The following ACAN variants were observed in gnomAD, a reference collection of about 807,000 sequenced individuals.
The protein encoded by ACAN is aggrecan.
In ACAN, 47 loss-of-function variants were observed where a neutral mutation model predicts 169.1. The ratio of observed to expected loss-of-function variants is 0.28; its 90% confidence interval spans 0.22 to 0.35. ACAN has a LOEUF of 0.35. ACAN is among the 10% of genes least tolerant of loss of function. The pLI is 1.00. For synonymous variants in ACAN, 1,115 were observed against 1,112.2 expected (o/e 1.00, Z -0.05); for missense variants, 2,716 against 2,759.9 (o/e 0.98, Z 0.36).
Position 88,857,818 on chromosome 15 carries a change from A to T in ACAN, c.5233A>T (p.Thr1745Ser). The change falls in exon 12 of 19, where the codon ACT (threonine) becomes TCT (serine). Residue 1745 changes from threonine (T) to serine (S), a missense_variant. Around this residue, in one of 3 missense-constraint regions of ACAN, gnomAD observed 1,389 missense variants for 1,363.7 expected, o/e 1.02. Transcript: ENST00000560601. ...VSGQPSGFPD[T>S]SGETSGVTEL... ...TGGACAGCCATCAGGGTTTCCTGAC[A>T]CTAGTGGGGAAACATCTGGAGTGAC... 1 of 1,613,870 alleles carries T rather than the reference A, an allele frequency of 6.2e-7. No individual in the cohort carries two copies. The highest frequency in any genetic ancestry group is 8.5e-7 in the Non-Finnish European group (1 of 1,179,876).
In ACAN at chr15:88,847,326, G is replaced by T. The variant is rs1175296986; in HGVS notation, c.1513G>T (p.Ala505Ser). 6.3e-7 allele frequency: 1 copy of T among 1,580,614 alleles called. No individual in the cohort carries two copies. Among genetic ancestry groups the T allele is most frequent in the Admixed American group, 1.8e-5 (1 of 55,156 alleles). Residue 505 changes from alanine to serine, a missense_variant, in exon 8 of 19, where the codon GCG (alanine) becomes TCG (serine). Coordinates refer to ENST00000560601, the MANE Select transcript of ACAN (RefSeq NM_001369268.1). The part of the protein sequence containing the change: ...EAQQACLRTG[A>S]VIASPEQLQA... ...ACAGCAGGCCTGCCTGCGCACGGGG[G>T]CGGTCATTGCCTCGCCGGAGCAGCT...
chr15:88,841,983 A>G lies in ACAN; in HGVS notation c.757+116A>G, dbSNP rs182870063. On this transcript the variant is annotated intron_variant, in intron 5 of 18. Transcript: ENST00000560601. ...AGGCTGCCAGCTCAGGGCCTGACAC[A>G]CTCTGTCCTCCTCTGCCATGAAGGG... 3.0e-4 allele frequency: 411 copies of G among 1,371,540 alleles called. 1 individual carries two copies. The African/African-American group carries it at 5.1e-3, about 17-fold the overall frequency. The allele number at this position is 1,371,540 out of a possible 1,614,324, so 85.0% of individuals were successfully genotyped here. A position where few individuals can be genotyped will look rare whatever the true frequency, so the allele number is the denominator to read the frequency against.
intron 1 of ACAN, among the ~76,000 whole-genome samples, chr15:88,834,510 C>T (rs998512685): frequency 6.6e-6 from 1 of 152,258 alleles, no homozygotes; most frequent in Non-Finnish European, 1.5e-5. Context: ...AAGAGCGACA[C>T]CTGCTGGGCC....
rs1047960106 is a variant in ACAN at position 88,868,177 on chromosome 15, C to G, written c.6947-39C>G. 5.8e-6 allele frequency: 4 copies of G among 694,138 alleles called. No homozygotes were observed. In the African/African-American group the frequency reaches 7.0e-5, roughly 12 times the overall value. The allele number at this position is 694,138 out of a possible 1,614,324, so 43.0% of individuals were successfully genotyped here. On this transcript the variant is annotated intron_variant, in intron 13 of 18. Transcript: ENST00000560601. This position sits in a 1 kb window ranked among gnomAD's most constrained non-coding sequence, Gnocchi z 5.2. ...CACAGTGCTTGTGAGGCTGGAGTTGCCGGCAGGAGTCCTAATGGTGGCCCT... is the reference window on the plus strand; with the variant it reads ...CACAGTGCTTGTGAGGCTGGAGTTGGCGGCAGGAGTCCTAATGGTGGCCCT...
At position 88,849,893 on chromosome 15, in the gene ACAN, G is replaced by C. The variant is rs1236507399; in HGVS notation, c.2026+162G>C. The C allele has an allele frequency of 2.0e-6, 2 of 1,021,624 alleles. No individual in the cohort carries two copies. Among genetic ancestry groups the C allele is most frequent in the African/African-American group, 1.6e-5 (1 of 62,972 alleles). The allele number at this position is 1,021,624 out of a possible 1,614,324, so 63.3% of individuals were successfully genotyped here. On this transcript the variant is annotated intron_variant, in intron 10 of 18. Transcript: ENST00000560601. This position sits in a 1 kb window ranked among gnomAD's most constrained non-coding sequence, Gnocchi z 5.1. The stretch of plus-strand genomic sequence containing the variant: ...CTGAAACCAGCACAACGCAGGCTTT[G>C]ACCCCAAGGCAAGGTCATCCTTCTA...
intron 1 of ACAN, among the ~76,000 whole-genome samples, chr15:88,809,299 G>A (rs1330214254): frequency 1.3e-5 from 2 of 152,090 alleles, no homozygotes; most frequent in South Asian, 2.1e-4. Flanking sequence ...GGTGGGAGGA[G>A]CACTGCACTT....
At chr15:88,850,090 C>T (rs555506797) in intron 10 of ACAN, 54 of 579,260 alleles carry the variant, frequency 9.3e-5, no homozygotes, top group African/African-American at 6.2e-4. Flanking sequence ...ATTAAGTGCA[C>T]GTGGTGCCCT....
At chr15:88,822,168 G>C (rs1351830472) in intron 1 of ACAN, among the ~76,000 whole-genome samples, 1 of 152,166 alleles carries the variant, frequency 6.6e-6, no homozygotes, top group Non-Finnish European at 1.5e-5. Context: ...GTGCCCCAAG[G>C]TCCCCACCGT....
intron 1 of ACAN, among the ~76,000 whole-genome samples, chr15:88,827,874 C>G (rs1315199056): frequency 6.6e-6 from 1 of 152,180 alleles, no homozygotes; most frequent in Non-Finnish European, 1.5e-5. Context: ...AGGTCATATG[C>G]TCACAGGAAA....
chr15:88,857,828 A>C lies in ACAN; in HGVS notation c.5243A>C (p.Glu1748Ala), dbSNP rs1404723937. 1.9e-6 allele frequency: 3 copies of C among 1,613,784 alleles called. No individual in the cohort carries two copies. In the South Asian group the frequency reaches 3.3e-5, roughly 18 times the overall value. The part of the protein sequence containing the change: ...QPSGFPDTSG[E>A]TSGVTELSGL... Reference sequence around the variant, plus strand: ...TCAGGGTTTCCTGACACTAGTGGGGAAACATCTGGAGTGACTGAGCTTAGC... The same window carrying C: ...TCAGGGTTTCCTGACACTAGTGGGGCAACATCTGGAGTGACTGAGCTTAGC... The change falls in exon 12 of 19, where the codon GAA (glutamate) becomes GCA (alanine). Residue 1748 changes from glutamate to alanine, a missense_variant. Physicochemically the swap from Glu to Ala is moderately radical, Grantham distance 107 (BLOSUM62 -1). Transcript: ENST00000560601.
chr15:88,859,161 T>C lies in ACAN; in HGVS notation c.6576T>C (p.Ser2192=). ...TGCCTTCAGCCACTCCCACGGCTTC[T>C]GGAGACAGGACTGAAATCAGCGGAG... The part of the protein sequence containing the change: ...PGLPSATPTA[S]GDRTEISGDL... Residue 2192 remains serine (S), a synonymous_variant, in exon 12 of 19, where the codon TCT becomes TCC. Coordinates refer to ENST00000560601, the MANE Select transcript of ACAN (RefSeq NM_001369268.1). 6.2e-7 allele frequency: 1 copy of C among 1,613,856 alleles called. No individual in the cohort carries two copies. Among genetic ancestry groups the C allele is most frequent in the South Asian group, 1.1e-5 (1 of 91,086 alleles).
At position 88,874,572 on chromosome 15, in the gene ACAN, C is replaced by T. The variant is rs1422654755; in HGVS notation, c.*91C>T. On this transcript the variant is annotated 3_prime_UTR_variant, in exon 19 of 19. Coordinates refer to ENST00000560601, the MANE Select transcript of ACAN (RefSeq NM_001369268.1). The surrounding 1 kb of genome is among the most constrained non-coding windows in gnomAD (Gnocchi z 7.3). ...CCCAGACGGTGTCCTCTTCTTGTCGCTTTTTGTCATATAAGGAATCCCATT... is the reference window on the plus strand; with the variant it reads ...CCCAGACGGTGTCCTCTTCTTGTCGTTTTTTGTCATATAAGGAATCCCATT... 8.1e-7 allele frequency: 1 copy of T among 1,239,880 alleles called. No homozygotes were observed. Among genetic ancestry groups the T allele is most frequent in the Non-Finnish European group, 1.2e-6 (1 of 864,426 alleles). 76.8% of individuals were successfully genotyped at this position (1,239,880 alleles called of 1,614,324 possible).
At chr15:88,808,276 G>A (rs112621897) in intron 1 of ACAN, among the ~76,000 whole-genome samples, 4 of 152,334 alleles carry the variant, frequency 2.6e-5, no homozygotes, top group Admixed American at 6.5e-5. Flanking sequence ...TATGCCCCAG[G>A]CTGCTGCCCC....
chr15:88,837,181 T>C (rs1204760293), intron 2 of ACAN, among the ~76,000 whole-genome samples: 6 of 152,116 alleles, frequency 3.9e-5, no homozygotes, highest in Admixed American at 3.9e-4. Context: ...GCTGTTTGTA[T>C]GGGGTGTGGG....
chr15:88,848,193 G>A (rs1013163216), intron 9 of ACAN, among the ~76,000 whole-genome samples, 155 bp downstream of exon 9: 1 of 152,116 alleles, frequency 6.6e-6, no homozygotes, highest in Admixed American at 6.5e-5. Context: ...AAAAAGGAAG[G>A]CCCCCAGCCC....
rs557393730 is a variant in ACAN at position 88,840,915 on chromosome 15, C to T, written c.629+729C>T. ...ATCCCAGCACTTTGGGAGGCCAAGGCGGGCAGATCACGAAGTCAGGAGATC... is the reference window on the plus strand; with the variant it reads ...ATCCCAGCACTTTGGGAGGCCAAGGTGGGCAGATCACGAAGTCAGGAGATC... On this transcript the variant is annotated intron_variant, in intron 4 of 18. Coordinates refer to ENST00000560601, the MANE Select transcript of ACAN (RefSeq NM_001369268.1). Among the ~76,000 whole-genome samples the T allele has an allele frequency of 2.4e-4, 37 of 152,192 alleles. No individual in the cohort carries two copies. In the South Asian group the frequency reaches 2.5e-3, roughly 10 times the overall value.
chr15:88,827,745 G>C (rs894331855), intron 1 of ACAN, among the ~76,000 whole-genome samples: 1 of 152,184 alleles, frequency 6.6e-6, no homozygotes, highest in Non-Finnish European at 1.5e-5. Context: ...TGAGAAAGGA[G>C]GCCAACTCAG....
At chr15:88,826,846 T>C (rs1383793087) in intron 1 of ACAN, among the ~76,000 whole-genome samples, 1 of 152,102 alleles carries the variant, frequency 6.6e-6, no homozygotes, top group East Asian at 1.9e-4. Context: ...GACTGAATAA[T>C]GGAATTAATG....
chr15:88,847,839 C>T, intron 8 of ACAN, 72 bp from the exon 9 acceptor site: 2 of 1,537,492 alleles, frequency 1.3e-6, no homozygotes, highest in Non-Finnish European at 1.8e-6. Context: ...AGCCTCTGGC[C>T]TCAGCCCAGG....
Sources: gnomAD v4.1 joint callset for allele counts (sites outside exome capture counted in the v4.1 genomes callset) on GRCh38, gnomAD v4.1.1 for gene constraint, gnomAD v4.1.1 regional missense constraint, Gnocchi (gnomAD v3.1) non-coding constraint, MANE v1.5 for transcripts, NCBI Gene and HGNC (gene_info 2026-07-23, HGNC 2026-07-21) for gene names.